The following MCFD2 variants were observed in gnomAD, a reference collection of about 807,000 sequenced individuals.
The protein encoded by MCFD2 is multiple coagulation factor deficiency protein 2.
MCFD2 carries 11 observed loss-of-function variants against 12.8 expected under a neutral mutation model. That is an observed-to-expected ratio of 0.86 (90% CI 0.54 to 1.42). The LOEUF (loss-of-function observed/expected upper bound fraction) is 1.42. Among genes scored for constraint, MCFD2 ranks in the 40% most tolerant of loss-of-function variants. The probability of loss-of-function intolerance (pLI) is 0.00; values close to 1 mark genes in which losing one functional copy is unlikely to be tolerated. For synonymous variants in MCFD2, 70 were observed against 68.1 expected (o/e 1.03, Z -0.14); for missense variants, 191 against 178.6 (o/e 1.07, Z -0.40).
upstream of MCFD2, chr2:46,915,806 G>GGGGGGGGGGGGGGGGCGC: frequency 2.0e-6 from 1 of 512,582 alleles, no homozygotes; most frequent in Non-Finnish European, 2.1e-6. Context: ...CCTCGGCTTC[G>GGGGGGGGGGGGGGGGCGC]CCCCGCCCCC....
chr2:46,939,843 G>A (rs563583491), intron 1 of MCFD2, among the ~76,000 whole-genome samples: 2 of 152,336 alleles, frequency 1.3e-5, no homozygotes, highest in Admixed American at 6.5e-5. Flanking sequence ...ACTGGAGTAA[G>A]CCAGGAGTTT....
Position 46,909,034 on chromosome 2 carries a change from C to T in MCFD2, c.138G>A (p.Val46=), listed in dbSNP as rs766859640. 115 of 1,614,236 alleles carry T rather than the reference C, an allele frequency of 7.1e-5. No homozygotes were observed. In the East Asian group the frequency reaches 2.5e-3, roughly 35 times the overall value. ...PGSMGLDKNT[V]HDQEHIMEHL... ...GGCTGAATACGTACTCTTGGTCGTG[C>T]ACTGTGTTCTTATCCAGGCCCATGC... The change falls in exon 2 of 4, where the codon GTG becomes GTA. Residue 46 remains valine (V), a synonymous_variant. Transcript: ENST00000319466.
Position 46,941,764 on chromosome 2 carries a change from C to T in MCFD2, c.-200G>A, listed in dbSNP as rs1437848853. On this transcript the variant is annotated 5_prime_UTR_variant, in exon 1 of 3. Transcript: ENST00000409147. The surrounding 1 kb of genome is among the most constrained non-coding windows in gnomAD (Gnocchi z 4.2). ...GAGGCTGGCTCGCCGGCAGCGAGCG[C>T]GCGAAACGCACCGCCTCCTCCAGGA... 6.5e-7 allele frequency: 1 copy of T among 1,546,504 alleles called. No individual in the cohort carries two copies. The highest frequency in any genetic ancestry group is 1.2e-5 in the South Asian group (1 of 83,818).
intron 3 of MCFD2, among the ~76,000 whole-genome samples, chr2:46,906,535 G>T (rs911537983): frequency 3.4e-5 from 5 of 145,346 alleles, no homozygotes; most frequent in Non-Finnish European, 7.5e-5. Flanking sequence ...ACCCAGGCTG[G>T]AGTCCAGTAG....
chr2:46,924,991 A>C (rs1307101587), intron 1 of MCFD2, among the ~76,000 whole-genome samples: 1 of 152,244 alleles, frequency 6.6e-6, no homozygotes, highest in African/African-American at 2.4e-5. Context: ...CAAATGGGGT[A>C]GCTTGGATAC....
rs187906483 is a variant in MCFD2, at chr2:46,928,093, T to C, written c.-8+13479A>G. On this transcript the variant is annotated intron_variant, in intron 1 of 2. Coordinates refer to the MCFD2 transcript ENST00000409147. ...TTTTTGTAGAGACGGGTTTTTGCCA[T>C]GTTGCCCAGGCTGGTCTCTAACTCC... 4.5e-3 allele frequency among the ~76,000 whole-genome samples: 685 copies of C among 151,746 alleles called. 7 individuals are homozygous for C. The highest frequency in any genetic ancestry group is 0.012 in the South Asian group (59 of 4,802).
chr2:46,918,803 C>T (rs185421707), upstream of MCFD2, among the ~76,000 whole-genome samples: 4 of 152,308 alleles, frequency 2.6e-5, no homozygotes, highest in East Asian at 5.8e-4. Context: ...TTTCAGCAGA[C>T]TCCTTCAAGA....
At chr2:46,915,398 G>A (rs957984115) in intron 1 of MCFD2, among the ~76,000 whole-genome samples, 9 of 152,092 alleles carry the variant, frequency 5.9e-5, no homozygotes, top group African/African-American at 2.2e-4. Context: ...TAAGGCTTCC[G>A]GCCCGCTGCT....
rs1238699740 is a variant in MCFD2, at chr2:46,937,356, T to C, written c.-8+4216A>G. On this transcript the variant is annotated intron_variant, in intron 1 of 2. Coordinates refer to the MCFD2 transcript ENST00000409147. This position sits in a 1 kb window ranked among gnomAD's most constrained non-coding sequence, Gnocchi z 4.0. ...TCCCCTTTCCTCCTGGCTGGCTAGA[T>C]ACCCCAAAGCTCACTTAACTTCAGA... is the stretch of plus-strand genomic sequence containing the variant. 4.6e-5 allele frequency among the ~76,000 whole-genome samples: 7 copies of C among 152,102 alleles called. No individual in the cohort carries two copies. The highest frequency in any genetic ancestry group is 3.9e-4 in the Admixed American group (6 of 15,260).
At chr2:46,928,587 T>C (rs931418293) in intron 1 of MCFD2, among the ~76,000 whole-genome samples, 1 of 150,236 alleles carries the variant, frequency 6.7e-6, no homozygotes, top group Non-Finnish European at 1.5e-5. Flanking sequence ...CTAGGCAACA[T>C]GGCAAAACCC....
intron 1 of MCFD2, among the ~76,000 whole-genome samples, chr2:46,930,096 C>G (rs764582216): frequency 1.3e-5 from 2 of 151,946 alleles, no homozygotes; most frequent in Non-Finnish European, 2.9e-5. Context: ...CATAACCTAA[C>G]CTTTCCCTAC....
At position 46,941,402 on chromosome 2, in the gene MCFD2, G is replaced by A. The variant is rs1670357619; in HGVS notation, c.-8+170C>T. The A allele has an allele frequency of 2.7e-6, 2 of 732,128 alleles. No individual in the cohort carries two copies. The highest frequency in any genetic ancestry group is 1.8e-6 in the Non-Finnish European group (1 of 561,518). The allele number at this position is 732,128 out of a possible 1,614,324, so 45.4% of individuals were successfully genotyped here. Reference sequence around the variant, plus strand: ...TGCTGCTGCCCACCCTCCGCCGCCCGGGCCCCCGCTGCCGCCCGGGCCCCG... The same window carrying A: ...TGCTGCTGCCCACCCTCCGCCGCCCAGGCCCCCGCTGCCGCCCGGGCCCCG... On this transcript the variant is annotated intron_variant, in intron 1 of 2. Transcript: ENST00000409147. This position sits in a 1 kb window ranked among gnomAD's most constrained non-coding sequence, Gnocchi z 4.2.
At chr2:46,906,615 G>A (rs560248095) in intron 3 of MCFD2, among the ~76,000 whole-genome samples, 27 of 136,484 alleles carry the variant, frequency 2.0e-4, no homozygotes, top group African/African-American at 2.9e-4. Flanking sequence ...CTCCCACCCC[G>A]TCACCCCAGC....
intron 1 of MCFD2, 57 bp from the exon 2 acceptor site, chr2:46,909,234 C>G (rs956676873): frequency 1.3e-5 from 20 of 1,556,916 alleles, no homozygotes; most frequent in Non-Finnish European, 1.7e-5. Context: ...AGGTTTCGTT[C>G]AGGGCTTGAC....
intron 1 of MCFD2, among the ~76,000 whole-genome samples, chr2:46,927,101 TCA>T (rs1287134790): frequency 6.6e-6 from 1 of 150,690 alleles, no homozygotes; most frequent in Non-Finnish European, 1.5e-5. Context: ...AGGATAAGAG[TCA>T]CAGAGAATTC....
At chr2:46,914,887 A>G (rs1022531168) in intron 1 of MCFD2, among the ~76,000 whole-genome samples, 1 of 152,258 alleles carries the variant, frequency 6.6e-6, no homozygotes, top group African/African-American at 2.4e-5. Context: ...GACACAGTAC[A>G]GTCGAGACAA....
intron 1 of MCFD2, among the ~76,000 whole-genome samples, chr2:46,921,255 T>G (rs1376112123): frequency 6.6e-6 from 1 of 152,230 alleles, no homozygotes; most frequent in African/African-American, 2.4e-5. Flanking sequence ...AATATGATCA[T>G]GCACATAGAA....
chr2:46,905,710 AAAAAAG>A, intron 3 of MCFD2, 116 bp from the exon 4 acceptor site: 1 of 1,142,412 alleles, frequency 8.8e-7, no homozygotes, highest in Non-Finnish European at 1.3e-6. Context: ...AAAAAAAAAA[AAAAAAG>A]GAAAAACAAA....
upstream of MCFD2, among the ~76,000 whole-genome samples, chr2:46,918,566 G>A (rs989304897): frequency 5.9e-5 from 9 of 152,220 alleles, no homozygotes; most frequent in African/African-American, 2.2e-4. Flanking sequence ...CCAGAAGCAG[G>A]ATGCTAAAAA....
Sources: allele counts gnomAD v4.1 joint callset (sites outside exome capture counted in the v4.1 genomes callset), GRCh38; gene constraint gnomAD v4.1.1; non-coding constraint Gnocchi (gnomAD v3.1); transcripts MANE v1.5; gene names NCBI Gene and HGNC (gene_info 2026-07-23, HGNC 2026-07-21).